The following NR2E1 variants were observed in gnomAD, a reference collection of about 807,000 sequenced individuals.
The protein encoded by NR2E1 is nuclear receptor subfamily 2 group E member 1.
NR2E1 carries 5 observed loss-of-function variants against 43.6 expected under a neutral mutation model. The observed-to-expected ratio is 0.11, with a 90% CI of 0.06 to 0.24. The LOEUF is 0.24. NR2E1 is among the 10% of genes least tolerant of loss of function. NR2E1 has a pLI of 1.00. For missense variants in NR2E1, 287 were observed against 496.7 expected (o/e 0.58, Z 4.01); for synonymous variants, 191 against 195.5 (o/e 0.98, Z 0.19).
At chr6:108,173,333 A>C (rs1186990569) in intron 2 of NR2E1, among the ~76,000 whole-genome samples, 1 of 152,242 alleles carries the variant, frequency 6.6e-6, no homozygotes, top group African/African-American at 2.4e-5. Context: ...TTTAATAACA[A>C]GTTTTAAAAA....
At chr6:108,168,254 C>A in intron 1 of NR2E1, 1 of 1,365,656 alleles carries the variant, frequency 7.3e-7, no homozygotes, top group South Asian at 1.5e-5. Context: ...CATTCTGAGC[C>A]TCCGTTGCAA....
intron 1 of NR2E1, among the ~76,000 whole-genome samples, chr6:108,167,155 C>G (rs1455448496): frequency 1.3e-5 from 2 of 152,084 alleles, no homozygotes; most frequent in Non-Finnish European, 2.9e-5. Flanking sequence ...CACACTCGCT[C>G]AAAACTCCGA....
intron 3 of NR2E1, 27 bp from the exon 4 acceptor site, chr6:108,176,475 GC>G (rs1773899255): frequency 6.2e-7 from 1 of 1,605,738 alleles, no homozygotes; most frequent in African/African-American, 1.3e-5. Context: ...CTAATCGCCG[GC>G]ATGCGTTTCT....
In NR2E1 at chr6:108,178,088, T is replaced by C; in HGVS notation, c.496-7T>C. ...CTTCCAGGTGTCTTTCTTTCTTCCCTACCCAGTACCCCCATGAAGTGAATG... is the reference window on the plus strand; with the variant it reads ...CTTCCAGGTGTCTTTCTTTCTTCCCCACCCAGTACCCCCATGAAGTGAATG... On this transcript the variant is annotated splice_region_variant and splice_polypyrimidine_tract_variant and intron_variant, in intron 4 of 8. Transcript: ENST00000368986. The C allele has an allele frequency of 6.2e-7, 1 of 1,614,210 alleles. No homozygotes were observed. Among genetic ancestry groups the C allele is most frequent in the Non-Finnish European group, 8.5e-7 (1 of 1,180,018 alleles).
At chr6:108,175,056 G>A (rs559757348) in intron 3 of NR2E1, 133 bp downstream of exon 3, 2 of 825,740 alleles carry the variant, frequency 2.4e-6, no homozygotes, top group African/African-American at 1.7e-5. Context: ...AATTGGCCTC[G>A]GGCTTTCAGT....
At chr6:108,181,729 A>G (rs1773994307) in intron 8 of NR2E1, 78 bp downstream of exon 8, 1 of 1,029,274 alleles carries the variant, frequency 9.7e-7, no homozygotes, top group Non-Finnish European at 1.5e-6. Flanking sequence ...GTAATAAGCC[A>G]GTTCAAACAT....
rs754469897 is a variant in NR2E1 at position 108,176,731 on chromosome 6, C to T, written c.488C>T (p.Thr163Met). The T allele has an allele frequency of 2.0e-5, 31 of 1,567,418 alleles. No individual in the cohort carries two copies. The Admixed American group carries it at 2.0e-4, about 10-fold the overall frequency. Residue 163 changes from threonine (T) to methionine (M), a missense_variant, in exon 4 of 9, where the codon ACG becomes ATG. Transcript: ENST00000368986. The part of the protein sequence containing the change: ...RQTLVSLAQP[T>M]PKYPHEVNGT... ...ACCCTCGTGAGCCTGGCTCAGCCCA[C>T]GCCCAAGGTCAGCGGCCTTGCTGGG...
chr6:108,167,097 G>A (rs1193192267), intron 1 of NR2E1, among the ~76,000 whole-genome samples: 4 of 152,074 alleles, frequency 2.6e-5, no homozygotes, highest in South Asian at 2.1e-4. Flanking sequence ...GGATGGGGGG[G>A]CCATGGGGGC....
chr6:108,181,718 G>A (rs936642969), intron 8 of NR2E1, 67 bp downstream of exon 8: 5 of 1,154,608 alleles, frequency 4.3e-6, no homozygotes, highest in Admixed American at 3.4e-5. Flanking sequence ...CTGAGCAGGC[G>A]GTAATAAGCC....
chr6:108,170,988 C>T (rs1364690225), intron 1 of NR2E1, among the ~76,000 whole-genome samples: 1 of 152,180 alleles, frequency 6.6e-6, no homozygotes, highest in African/African-American at 2.4e-5. Flanking sequence ...ACTCGATTGC[C>T]TTCCAGCTGC....
At chr6:108,168,466 C>CT (rs1040694666) in intron 1 of NR2E1, among the ~76,000 whole-genome samples, 2 of 152,252 alleles carry the variant, frequency 1.3e-5, no homozygotes, top group Non-Finnish European at 2.9e-5. Flanking sequence ...TGCGCCCCCG[C>CT]TGTGGACTAG....
At position 108,166,499 on chromosome 6, in the gene NR2E1, T is replaced by C. The variant is rs1773710222; in HGVS notation, c.-267T>C. 1 of 464,460 alleles carries C rather than the reference T, an allele frequency of 2.2e-6. No homozygotes were observed. The highest frequency in any genetic ancestry group is 3.8e-6 in the Non-Finnish European group (1 of 266,552). The allele number at this position is 464,460 out of a possible 1,614,324, so 28.8% of individuals were successfully genotyped here. On this transcript the variant is annotated 5_prime_UTR_variant, in exon 1 of 9. It removes an upstream start codon present in the reference 5' UTR. Transcript: ENST00000368986. This position sits in a 1 kb window ranked among gnomAD's most constrained non-coding sequence, Gnocchi z 7.2. ...GTCCATCTCTCCATCTGTCTGTCCA[T>C]GTGTGTGTCCATATCAAGCAGCATT...
chr6:108,176,571 C>A lies in NR2E1; in HGVS notation c.328C>A (p.His110Asn), dbSNP rs1306508669. ...RKQVALYFRG[H>N]KEENGAAAHF... ...GCAAGTGGCCCTCTACTTCCGTGGA[C>A]ACAAGGAGGAGAACGGGGCCGCCGC... Residue 110 changes from histidine to asparagine, a missense_variant, in exon 4 of 9, where the codon CAC (histidine) becomes AAC (asparagine). Physicochemically the swap from His to Asn is moderately conservative, Grantham distance 68. Around this residue, in one of 4 missense-constraint regions of NR2E1, gnomAD observed 119 missense variants for 155.7 expected, o/e 0.76. Transcript: ENST00000368986. 6.2e-7 allele frequency: 1 copy of A among 1,613,070 alleles called. No homozygotes were observed. Among genetic ancestry groups the A allele is most frequent in the African/African-American group, 1.3e-5 (1 of 74,950 alleles).
chr6:108,182,555 ATT>A (rs1240401253), intron 8 of NR2E1, among the ~76,000 whole-genome samples: 29 of 122,876 alleles, frequency 2.4e-4, no homozygotes, highest in East Asian at 6.8e-4. Flanking sequence ...CACCCAGCTA[ATT>A]TTTTTTTTTT....
Position 108,180,293 on chromosome 6 carries a change from A to G in NR2E1, c.643-30A>G, listed in dbSNP as rs753520789. On this transcript the variant is annotated intron_variant, in intron 5 of 8. Transcript: ENST00000368986. The surrounding 1 kb of genome is among the most constrained non-coding windows in gnomAD (Gnocchi z 5.4). ...TTTATAAATTTATAAATTACACACTATATTATATTATACATCTATTGTATG... is the reference window on the plus strand; with the variant it reads ...TTTATAAATTTATAAATTACACACTGTATTATATTATACATCTATTGTATG... The G allele has an allele frequency of 1.6e-6, 2 of 1,271,312 alleles. No homozygotes were observed. Among genetic ancestry groups the G allele is most frequent in the Admixed American group, 1.7e-5 (1 of 59,514 alleles). 78.8% of individuals were successfully genotyped at this position (1,271,312 alleles called of 1,614,324 possible). A position where few individuals can be genotyped will look rare whatever the true frequency, so the allele number is the denominator to read the frequency against.
chr6:108,175,549 C>T (rs771606846), intron 3 of NR2E1, among the ~76,000 whole-genome samples: 15 of 152,216 alleles, frequency 9.9e-5, no homozygotes, highest in Non-Finnish European at 1.8e-4. Context: ...TCTCCCAAGG[C>T]TCTTAAGCGC....
chr6:108,176,408 G>T, intron 3 of NR2E1, 95 bp from the exon 4 acceptor site: 4 of 1,306,356 alleles, frequency 3.1e-6, no homozygotes, highest in Non-Finnish European at 4.3e-6. Context: ...TGCCCGCCCA[G>T]ACTTGACATT....
intron 8 of NR2E1, among the ~76,000 whole-genome samples, chr6:108,185,398 GCACACACACATA>G (rs1774057276): frequency 9.1e-6 from 1 of 110,028 alleles, no homozygotes; most frequent in African/African-American, 5.1e-5. Context: ...ACACACACAC[GCACACACACATA>G]CACACACACA....
intron 4 of NR2E1, 48 bp downstream of exon 4, chr6:108,176,786 A>G: frequency 1.3e-6 from 2 of 1,500,258 alleles, no homozygotes; most frequent in Middle Eastern, 2.2e-4. Context: ...GCGAATGGAG[A>G]GGGACGCACC....
Sources: gnomAD v4.1 joint callset for allele counts (sites outside exome capture counted in the v4.1 genomes callset) on GRCh38, gnomAD v4.1.1 for gene constraint, gnomAD v4.1.1 regional missense constraint, Gnocchi (gnomAD v3.1) non-coding constraint, MANE v1.5 for transcripts, NCBI Gene and HGNC (gene_info 2026-07-23, HGNC 2026-07-21) for gene names.